The following NOL10 variants were observed in gnomAD, a reference collection of about 807,000 sequenced individuals.
NOL10 encodes the protein nucleolar protein 10, also known as H_NH0074G24.1.
Under a neutral mutation model 103.5 loss-of-function variants are expected in NOL10, and 58 were observed. The ratio of observed to expected loss-of-function variants is 0.56; its 90% CI spans 0.45 to 0.70. NOL10 has a LOEUF of 0.70. Among genes scored for constraint, NOL10 ranks in the 30% least tolerant of loss-of-function variants. NOL10 has a pLI of 0.00. For synonymous variants in NOL10, 287 were observed against 282.5 expected (o/e 1.02, Z -0.16); for missense variants, 763 against 807.3 (o/e 0.95, Z 0.67).
chr2:10,675,453 G>A (rs1681240566), intron 4 of NOL10, among the ~76,000 whole-genome samples: 1 of 151,912 alleles, frequency 6.6e-6, no homozygotes, highest in Non-Finnish European at 1.5e-5. Flanking sequence ...TTATTTTGGG[G>A]GTTTGGGGGG....
chr2:10,608,778 T>C (rs62127176), intron 13 of NOL10, among the ~76,000 whole-genome samples: 259 of 152,298 alleles, frequency 1.7e-3, no homozygotes, highest in Non-Finnish European at 1.4e-3. Flanking sequence ...GTGACATTAT[T>C]TTGCCGGATT....
At chr2:10,602,195 C>T (rs955651647) in intron 16 of NOL10, among the ~76,000 whole-genome samples, 1 of 152,264 alleles carries the variant, frequency 6.6e-6, no homozygotes, top group Admixed American at 6.5e-5. Flanking sequence ...AGGCCTGGGT[C>T]CAGCTCCACG....
At position 10,577,643 on chromosome 2, in the gene NOL10, A is replaced by G. The variant is rs757789453; in HGVS notation, c.1940T>C (p.Leu647Ser). 6.2e-7 allele frequency: 1 copy of G among 1,607,690 alleles called. No homozygotes were observed. The highest frequency in any genetic ancestry group is 8.5e-7 in the Non-Finnish European group (1 of 1,175,742). Residue 647 changes from leucine to serine, a missense_variant, in exon 20 of 21, where the codon TTA becomes TCA. Physicochemically the swap from Leu to Ser is moderately radical, Grantham distance 145 (BLOSUM62 -2). Transcript: ENST00000381685. ...CAATAAAAGACAACTCACCCTCTTTAACGTGAATGTCAATTGTTTGCTGCC... is the reference window on the plus strand; with the variant it reads ...CAATAAAAGACAACTCACCCTCTTTGACGTGAATGTCAATTGTTTGCTGCC... ...TVGSKQLTFT[L>S]KRSEQQKKQQ... is the part of the protein sequence containing the mutation.
chr2:10,661,529 G>A (rs1291533910), intron 9 of NOL10, among the ~76,000 whole-genome samples: 1 of 152,068 alleles, frequency 6.6e-6, no homozygotes, highest in East Asian at 1.9e-4. Context: ...GCACCACCAT[G>A]CCCGGCTAAT....
chr2:10,632,487 T>G (rs1473271907), intron 13 of NOL10, among the ~76,000 whole-genome samples: 1 of 152,210 alleles, frequency 6.6e-6, no homozygotes, highest in Non-Finnish European at 1.5e-5. Flanking sequence ...GAGTACACCC[T>G]GCAAGATCAT....
intron 19 of NOL10, among the ~76,000 whole-genome samples, chr2:10,586,169 G>A (rs1472387322): frequency 6.6e-6 from 1 of 152,188 alleles, no homozygotes; most frequent in African/African-American, 2.4e-5. Context: ...TTTCTTTTTG[G>A]GGTGATGACA....
intron 1 of NOL10, among the ~76,000 whole-genome samples, chr2:10,689,107 T>G (rs1281051644): frequency 6.6e-6 from 1 of 152,176 alleles, no homozygotes; most frequent in Non-Finnish European, 1.5e-5. Context: ...TCATCACGTA[T>G]AAGAAACAAA....
rs147968545 is a variant in NOL10, at chr2:10,638,300, AACGTGACGTG to A, written c.1026+6010_1026+6019del. Among the ~76,000 whole-genome samples, 447 of 87,160 alleles carry A rather than the reference AACGTGACGTG, an allele frequency of 5.1e-3. 1 individual carries two copies. Among genetic ancestry groups the A allele is most frequent in the African/African-American group, 0.016 (407 of 25,764 alleles). 57.2% of individuals were successfully genotyped at this position (87,160 alleles called of 152,430 possible). A position where few individuals can be genotyped will look rare whatever the true frequency, so the allele number is the denominator to read the frequency against. ...ACCCTGTCTCATTCAAAAATAACGT[AACGTGACGTG>A]ACGTGACGTGACGTGACGTGACGTA... On this transcript the variant is annotated intron_variant, in intron 13 of 20. Transcript: ENST00000381685.
chr2:10,598,791 CAAAAG>C (rs1675829934), intron 17 of NOL10, among the ~76,000 whole-genome samples: 1 of 109,304 alleles, frequency 9.1e-6, no homozygotes, highest in South Asian at 2.5e-4. Flanking sequence ...GTACTATTGA[CAAAAG>C]AAATAAAAGA....
chr2:10,685,496 C>G (rs1416919973), intron 1 of NOL10, among the ~76,000 whole-genome samples: 17 of 18,714 alleles, frequency 9.1e-4, no homozygotes, highest in South Asian at 7.4e-3. Flanking sequence ...CGTCCCCCCC[C>G]CCCCCCCCCC....
At chr2:10,608,534 C>T (rs1053389095) in intron 13 of NOL10, among the ~76,000 whole-genome samples, 3 of 151,892 alleles carry the variant, frequency 2.0e-5, no homozygotes, top group Admixed American at 1.3e-4. Flanking sequence ...TGAGAGAACA[C>T]TGGACTCGGG....
rs551094596 is a variant in NOL10, at chr2:10,677,821, G to C, written c.212-1950C>G. Among the ~76,000 whole-genome samples the C allele has an allele frequency of 2.1e-3, 314 of 149,124 alleles. 2 individuals are homozygous for C. Among genetic ancestry groups the C allele is most frequent in the African/African-American group, 7.0e-3 (280 of 40,114 alleles). Reference sequence around the variant, plus strand: ...GTAAATATGAGCCCACTGTCGTATGGCAATAATTTTAATACATTTGTGTGT... The same window carrying C: ...GTAAATATGAGCCCACTGTCGTATGCCAATAATTTTAATACATTTGTGTGT... On this transcript the variant is annotated intron_variant, in intron 3 of 20. Coordinates refer to ENST00000381685, the MANE Select transcript of NOL10 (RefSeq NM_024894.4).
At chr2:10,665,307 A>G (rs544527004) in intron 8 of NOL10, among the ~76,000 whole-genome samples, 10 of 152,342 alleles carry the variant, frequency 6.6e-5, no homozygotes, top group African/African-American at 2.4e-4. Flanking sequence ...TACAAAATGT[A>G]TTTTTAAGCA....
chr2:10,671,444 C>A, intron 6 of NOL10, 110 bp downstream of exon 6: 305 of 593,328 alleles, frequency 5.1e-4, no homozygotes, highest in Non-Finnish European at 6.5e-4. Context: ...CCACGTATCA[C>A]TTTTTTATTA....
chr2:10,607,418 T>C (rs975220692), intron 13 of NOL10, 107 bp from the exon 14 acceptor site: 59 of 1,257,996 alleles, frequency 4.7e-5, no homozygotes, highest in Non-Finnish European at 6.0e-5. Context: ...AATCCTTTTT[T>C]CTATCAGAAG....
chr2:10,621,901 G>A (rs1262978854), intron 13 of NOL10: 2 of 347,026 alleles, frequency 5.8e-6, no homozygotes, highest in Non-Finnish European at 1.2e-5. Context: ...ACTTGACTCT[G>A]GAATAGTTTA....
intron 13 of NOL10, among the ~76,000 whole-genome samples, chr2:10,623,859 G>A (rs147868896): frequency 1.3e-5 from 2 of 152,158 alleles, no homozygotes; most frequent in African/African-American, 2.4e-5. Flanking sequence ...GCTATAAATC[G>A]ATTAGAATGG....
At chr2:10,654,420 C>T (rs375428768) in intron 12 of NOL10, 61 bp downstream of exon 12, 152 of 1,130,240 alleles carry the variant, frequency 1.3e-4, no homozygotes, top group Non-Finnish European at 1.8e-4. Context: ...TCTCACTGAA[C>T]GTTCACTACA....
intron 9 of NOL10, among the ~76,000 whole-genome samples, chr2:10,660,126 T>C (rs1157026925): frequency 2.0e-5 from 3 of 152,198 alleles, no homozygotes; most frequent in African/African-American, 7.2e-5. Flanking sequence ...CCTAGAGTCC[T>C]GGCTGTTGGC....
Sources: gnomAD v4.1 joint callset for allele counts (sites outside exome capture counted in the v4.1 genomes callset) on GRCh38, gnomAD v4.1.1 for gene constraint, MANE v1.5 for transcripts, NCBI Gene and HGNC (gene_info 2026-07-23, HGNC 2026-07-21) for gene names.